The following RAPGEF6 variants were observed in gnomAD, a reference collection of about 807,000 sequenced individuals.
RAPGEF6 encodes PDZ domain containing guanine nucleotide exchange factor (GEF) 2.
In RAPGEF6, 56 loss-of-function variants were observed where a neutral mutation model predicts 171.4. The ratio of observed to expected loss-of-function variants is 0.33; its 90% CI spans 0.26 to 0.41. The LOEUF is 0.41. Among genes scored for constraint, RAPGEF6 ranks in the 10% least tolerant of loss-of-function variants. RAPGEF6 has a pLI of 1.00. For synonymous variants in RAPGEF6, 692 were observed against 650.1 expected, an observed-to-expected ratio of 1.06 and a Z score of -0.98; for missense variants, 1,674 against 1,921.4, an observed-to-expected ratio of 0.87 and a Z score of 2.41.
intron 6 of RAPGEF6, among the ~76,000 whole-genome samples, chr5:131,523,268 T>G (rs1197721326): frequency 2.0e-5 from 3 of 150,916 alleles, no homozygotes; most frequent in Admixed American, 1.3e-4. Context: ...ACATACAGTT[T>G]CTGTTGTATG....
intron 4 of RAPGEF6, among the ~76,000 whole-genome samples, chr5:131,586,482 T>C (rs1763263780): frequency 6.6e-6 from 1 of 152,072 alleles, no homozygotes; most frequent in South Asian, 2.1e-4. Context: ...AATACAAAAT[T>C]TAGTTGGGCG....
chr5:131,498,068 C>T (rs186446020), intron 12 of RAPGEF6, among the ~76,000 whole-genome samples: 182 of 152,210 alleles, frequency 1.2e-3, no homozygotes, highest in African/African-American at 4.3e-3. Flanking sequence ...AATCTGCCCT[C>T]TTAAAAAAAT....
chr5:131,546,796 ATATT>A (rs1760571931), intron 6 of RAPGEF6, among the ~76,000 whole-genome samples: 1 of 152,208 alleles, frequency 6.6e-6, no homozygotes, highest in Admixed American at 6.5e-5. Context: ...AAAAATTTAC[ATATT>A]TAAGTTTTCA....
At chr5:131,460,113 T>C (rs772460952) in intron 19 of RAPGEF6, among the ~76,000 whole-genome samples, 9 of 152,192 alleles carry the variant, frequency 5.9e-5, no homozygotes, top group Non-Finnish European at 8.8e-5. Context: ...ACATGAGCTA[T>C]GAAAATGTGC....
chr5:131,514,773 G>C (rs1024079086), intron 7 of RAPGEF6, among the ~76,000 whole-genome samples: 3 of 152,228 alleles, frequency 2.0e-5, no homozygotes, highest in Admixed American at 2.0e-4. Context: ...ATAATACCAC[G>C]AGTGGAAATA....
chr5:131,482,693 A>C (rs761109274), intron 15 of RAPGEF6, among the ~76,000 whole-genome samples: 24 of 152,258 alleles, frequency 1.6e-4, no homozygotes, highest in Admixed American at 1.2e-3. Flanking sequence ...TTTGTATATT[A>C]CTACTGTTGT....
At chr5:131,535,402 C>T (rs1294947288) in intron 6 of RAPGEF6, among the ~76,000 whole-genome samples, 1 of 152,108 alleles carries the variant, frequency 6.6e-6, no homozygotes, top group African/African-American at 2.4e-5. Context: ...GGTGAATAAC[C>T]TATTTTTCCC....
intron 4 of RAPGEF6, among the ~76,000 whole-genome samples, chr5:131,577,034 C>T (rs1194055845): frequency 6.6e-6 from 1 of 152,180 alleles, no homozygotes; most frequent in Non-Finnish European, 1.5e-5. Flanking sequence ...TACCCATATG[C>T]CCCGACTCAA....
intron 3 of RAPGEF6, among the ~76,000 whole-genome samples, chr5:131,599,696 A>G (rs1764113297): frequency 6.6e-6 from 1 of 152,252 alleles, no homozygotes; most frequent in African/African-American, 2.4e-5. Flanking sequence ...GAAAATTTGT[A>G]TCCATTACTG....
At position 131,425,886 on chromosome 5, in the gene RAPGEF6, CTTTTTTTTTTT is replaced by C. The variant is rs376096619; in HGVS notation, c.*1369_*1379del. ...GGGTAGTGCACGTTAATGGCTTTGG[CTTTTTTTTTTT>C]TTTTTTTTTTGGTAATTACAGAAGT... is the stretch of plus-strand genomic sequence containing the variant. On this transcript the variant is annotated 3_prime_UTR_variant, in exon 28 of 28. Coordinates refer to ENST00000509018, the MANE Select transcript of RAPGEF6 (RefSeq NM_016340.6). 2 of 84,432 alleles carry C rather than the reference CTTTTTTTTTTT, an allele frequency of 2.4e-5. No homozygotes were observed. Among genetic ancestry groups the C allele is most frequent in the Non-Finnish European group, 4.5e-5 (2 of 43,972 alleles). 5.2% of individuals were successfully genotyped at this position (84,432 alleles called of 1,614,324 possible). A position where few individuals can be genotyped will look rare whatever the true frequency, so the allele number is the denominator to read the frequency against.
chr5:131,512,368 T>C (rs1485836176), intron 7 of RAPGEF6, among the ~76,000 whole-genome samples: 1 of 146,596 alleles, frequency 6.8e-6, no homozygotes, highest in East Asian at 2.0e-4. Context: ...TTACATTTTT[T>C]TTCTTCTTTT....
intron 21 of RAPGEF6, chr5:131,447,167 C>T (rs1192447261): frequency 6.4e-6 from 1 of 156,544 alleles, no homozygotes; most frequent in Non-Finnish European, 1.4e-5. Context: ...TTGCCACTAC[C>T]ATTATAGCAG....
chr5:131,629,653 G>A (rs930538533), intron 1 of RAPGEF6, among the ~76,000 whole-genome samples: 4 of 151,594 alleles, frequency 2.6e-5, no homozygotes, highest in African/African-American at 7.3e-5. Context: ...CTACTCAGGA[G>A]GCTGAGGTGG....
At chr5:131,506,336 T>A (rs2149890366) in intron 9 of RAPGEF6, among the ~76,000 whole-genome samples, 1 of 152,276 alleles carries the variant, frequency 6.6e-6, no homozygotes, top group South Asian at 2.1e-4. Flanking sequence ...CAGGTCTTGC[T>A]ATGTTCCCCA....
chr5:131,590,529 T>C (rs1238917593), intron 4 of RAPGEF6, among the ~76,000 whole-genome samples: 1 of 152,262 alleles, frequency 6.6e-6, no homozygotes, highest in African/African-American at 2.4e-5. Flanking sequence ...GGTAGTTTAT[T>C]TGTTATAGTA....
intron 1 of RAPGEF6, among the ~76,000 whole-genome samples, chr5:131,627,324 C>G (rs1156878367): frequency 6.6e-6 from 1 of 152,154 alleles, no homozygotes; most frequent in Non-Finnish European, 1.5e-5. Flanking sequence ...TAGCCTATAA[C>G]AACTAACTGA....
At chr5:131,517,059 G>A (rs1358328359) in intron 7 of RAPGEF6, among the ~76,000 whole-genome samples, 1 of 152,156 alleles carries the variant, frequency 6.6e-6, no homozygotes, top group East Asian at 1.9e-4. Context: ...ATAAGTGGGC[G>A]CTAACAATTG....
At chr5:131,485,487 G>A (rs1381308254) in intron 15 of RAPGEF6, among the ~76,000 whole-genome samples, 1 of 152,122 alleles carries the variant, frequency 6.6e-6, no homozygotes, top group Non-Finnish European at 1.5e-5. Flanking sequence ...CAGGACAACT[G>A]CTATTAGTAG....
chr5:131,535,454 T>C (rs1759703004), intron 6 of RAPGEF6, among the ~76,000 whole-genome samples: 1 of 152,182 alleles, frequency 6.6e-6, no homozygotes, highest in Non-Finnish European at 1.5e-5. Context: ...CATCTCATTA[T>C]CTTATCAATT....
Sources: gnomAD v4.1 joint callset for allele counts (sites outside exome capture counted in the v4.1 genomes callset) on GRCh38, gnomAD v4.1.1 for gene constraint, MANE v1.5 for transcripts, NCBI Gene and HGNC (gene_info 2026-07-23, HGNC 2026-07-21) for gene names.